Variants in FHIT observed in about 807,000 individuals in gnomAD.
The protein encoded by FHIT is fragile histidine triad diadenosine triphosphatase.
Under a neutral mutation model 17.9 loss-of-function variants are expected in FHIT, and 19 were observed. That is an observed-to-expected ratio of 1.06 (90% CI 0.74 to 1.56). The LOEUF is 1.56. FHIT is among the 40% of genes most tolerant of loss of function. The pLI is 0.00. For missense variants in FHIT, 248 were observed against 189.2 expected, an observed-to-expected ratio of 1.31 and a Z score of -1.82; for synonymous variants, 81 against 69.7, an observed-to-expected ratio of 1.16 and a Z score of -0.81.
In FHIT at chr3:61,135,600, TACAC is replaced by T. The variant is rs1304994320; in HGVS notation, c.-164+65013_-164+65016del. ...GTGTTCGAACACACACACACACACA[TACAC>T]ACACACACACATACACACAGTAAAA... On this transcript the variant is annotated intron_variant, in intron 2 of 9. Transcript: ENST00000492590. Among the ~76,000 whole-genome samples, 60 of 145,052 alleles carry T rather than the reference TACAC, an allele frequency of 4.1e-4. 2 individuals carry two copies. Among genetic ancestry groups the T allele is most frequent in the Admixed American group, 3.7e-3 (54 of 14,470 alleles).
chr3:60,651,773 T>C (rs2039997065), intron 4 of FHIT, among the ~76,000 whole-genome samples: 1 of 152,148 alleles, frequency 6.6e-6, no homozygotes, highest in African/African-American at 2.4e-5. Context: ...TAACAAACGG[T>C]TGACATAAAA....
At chr3:61,027,189 T>C (rs1216231672) in intron 3 of FHIT, among the ~76,000 whole-genome samples, 1 of 152,068 alleles carries the variant, frequency 6.6e-6, no homozygotes, top group African/African-American at 2.4e-5. Context: ...TGTGTTCAAG[T>C]GATTCTCCTA....
chr3:61,181,786 T>G (rs1335454812), intron 2 of FHIT, among the ~76,000 whole-genome samples: 3 of 152,244 alleles, frequency 2.0e-5, no homozygotes, highest in Non-Finnish European at 2.9e-5. Flanking sequence ...AATCTCTCTT[T>G]GTTTTGACAA....
chr3:59,761,137 G>T (rs1036664561), intron 8 of FHIT, among the ~76,000 whole-genome samples: 1 of 152,120 alleles, frequency 6.6e-6, no homozygotes, highest in African/African-American at 2.4e-5. Flanking sequence ...CCCAACAGTT[G>T]GGTCTGATAT....
At chr3:60,273,379 C>T (rs148267894) in intron 5 of FHIT, among the ~76,000 whole-genome samples, 10,079 of 152,062 alleles carry the variant, frequency 0.066, 458 homozygotes, top group African/African-American at 0.14. Flanking sequence ...GAGGCCGAGG[C>T]GGGTGGATCA....
chr3:60,483,110 C>G (rs1466651345), intron 5 of FHIT, among the ~76,000 whole-genome samples: 5 of 152,034 alleles, frequency 3.3e-5, no homozygotes, highest in African/African-American at 1.2e-4. Flanking sequence ...ACACATACCC[C>G]CTCCCAAGAC....
At chr3:59,861,547 C>T (rs1446337521) in intron 8 of FHIT, among the ~76,000 whole-genome samples, 2 of 152,136 alleles carry the variant, frequency 1.3e-5, no homozygotes, top group Non-Finnish European at 2.9e-5. Flanking sequence ...GCACTTCTGC[C>T]AAATAATCAC....
intron 5 of FHIT, among the ~76,000 whole-genome samples, chr3:60,184,746 A>G (rs1392927578): frequency 1.3e-5 from 2 of 152,220 alleles, no homozygotes; most frequent in Non-Finnish European, 2.9e-5. Flanking sequence ...TGCAGTATTT[A>G]TGAGAACTAT....
intron 8 of FHIT, among the ~76,000 whole-genome samples, chr3:59,804,550 G>A (rs1215108915): frequency 2.0e-5 from 3 of 152,226 alleles, no homozygotes; most frequent in Non-Finnish European, 4.4e-5. Context: ...GGGCTCAAGG[G>A]CCCCGTTACA....
chr3:61,036,336 C>G lies in FHIT; in HGVS notation c.-111+5711G>C, dbSNP rs376802225. Among the ~76,000 whole-genome samples, 196 of 152,130 alleles carry G rather than the reference C, an allele frequency of 1.3e-3. 2 individuals are homozygous for G. Among genetic ancestry groups the G allele is most frequent in the African/African-American group, 4.4e-3 (184 of 41,496 alleles). ...ATCAGCCCCCCCTGATCTAATCACC[C>G]CCTACCAGGCCCCACCTCCAACACT... On this transcript the variant is annotated intron_variant, in intron 3 of 9. Coordinates refer to ENST00000492590, the MANE Select transcript of FHIT (RefSeq NM_002012.4).
chr3:59,868,014 T>C (rs762083319), intron 8 of FHIT, among the ~76,000 whole-genome samples: 4 of 123,028 alleles, frequency 3.3e-5, no homozygotes, highest in Non-Finnish European at 3.2e-5. Context: ...GCTTAATGAA[T>C]GAACTACTGC....
At chr3:59,964,862 G>A (rs1327333794) in intron 7 of FHIT, among the ~76,000 whole-genome samples, 3 of 152,116 alleles carry the variant, frequency 2.0e-5, no homozygotes, top group Admixed American at 6.5e-5. Flanking sequence ...TGCCACCAAT[G>A]TGAATATCAT....
chr3:59,761,690 T>C (rs558716913), intron 8 of FHIT, among the ~76,000 whole-genome samples: 1 of 151,972 alleles, frequency 6.6e-6, no homozygotes, highest in South Asian at 2.1e-4. Context: ...CACTGCAACC[T>C]CTGTCTCCTG....
intron 8 of FHIT, among the ~76,000 whole-genome samples, chr3:59,762,886 G>T (rs1314156427): frequency 1.3e-5 from 2 of 152,168 alleles, no homozygotes. Flanking sequence ...CTGCCAGTTT[G>T]ATTTCCTCAG....
In FHIT at chr3:60,956,656, A is replaced by C. The variant is rs540079457; in HGVS notation, c.-111+85391T>G. Among the ~76,000 whole-genome samples, 3 of 152,322 alleles carry C rather than the reference A, an allele frequency of 2.0e-5. No homozygotes were observed. The East Asian group carries it at 5.8e-4, about 29-fold the overall frequency. Reference sequence around the variant, plus strand: ...TAATCAGACACAGCTGTACATAAGGAGTTACCAATTCCAACAACTACAGGG... The same window carrying C: ...TAATCAGACACAGCTGTACATAAGGCGTTACCAATTCCAACAACTACAGGG... On this transcript the variant is annotated intron_variant, in intron 3 of 9. Transcript: ENST00000492590.
chr3:60,117,821 T>G (rs1449642584), intron 5 of FHIT, among the ~76,000 whole-genome samples: 1 of 152,064 alleles, frequency 6.6e-6, no homozygotes, highest in African/African-American at 2.4e-5. Flanking sequence ...AATCCCCTGC[T>G]TCCTCTGTAC....
intron 7 of FHIT, among the ~76,000 whole-genome samples, chr3:59,933,499 C>A (rs1575722014): frequency 6.6e-6 from 1 of 152,126 alleles, no homozygotes; most frequent in East Asian, 1.9e-4. Flanking sequence ...CACACTGATG[C>A]TTACTGGAAT....
At chr3:60,242,014 G>A (rs1384816995) in intron 5 of FHIT, among the ~76,000 whole-genome samples, 1 of 152,014 alleles carries the variant, frequency 6.6e-6, no homozygotes, top group Non-Finnish European at 1.5e-5. Context: ...TTAGGAAAAT[G>A]AAAATCACAA....
chr3:61,000,405 C>A (rs1258895113), intron 3 of FHIT, among the ~76,000 whole-genome samples: 1 of 152,170 alleles, frequency 6.6e-6, no homozygotes, highest in Non-Finnish European at 1.5e-5. Context: ...ATTTGAGACA[C>A]AATGGTAAGA....
Sources: gnomAD v4.1 joint callset for allele counts (sites outside exome capture counted in the v4.1 genomes callset) on GRCh38, gnomAD v4.1.1 for gene constraint, MANE v1.5 for transcripts, NCBI Gene and HGNC (gene_info 2026-07-23, HGNC 2026-07-21) for gene names.